Variants in KCNH1 observed in about 807,000 individuals in gnomAD.
KCNH1 encodes the protein voltage-gated delayed rectifier potassium channel KCNH1.
A neutral mutation model predicts 69.2 loss-of-function variants in KCNH1; 27 were observed. That is an observed-to-expected ratio of 0.39 (90% CI 0.29 to 0.54). KCNH1 has a LOEUF of 0.54. Among genes scored for constraint, KCNH1 ranks in the 20% least tolerant of loss-of-function variants. The pLI is 0.68. For missense variants in KCNH1, 798 were observed against 1,261.6 expected, an observed-to-expected ratio of 0.63 and a Z score of 5.57; for synonymous variants, 456 against 487.7, an observed-to-expected ratio of 0.93 and a Z score of 0.86.
chr1:210,747,695 A>G (rs1308820130), intron 10 of KCNH1, among the ~76,000 whole-genome samples: 2 of 150,596 alleles, frequency 1.3e-5, no homozygotes, highest in Non-Finnish European at 3.0e-5. Context: ...CCTTTTTCTT[A>G]AAGTAGGCAT....
intron 7 of KCNH1, among the ~76,000 whole-genome samples, chr1:210,808,363 G>A (rs1684630642): frequency 6.6e-6 from 1 of 152,120 alleles, no homozygotes; most frequent in Non-Finnish European, 1.5e-5. Context: ...CAGGCAGCAG[G>A]TCAGACATCA....
intron 5 of KCNH1, among the ~76,000 whole-genome samples, chr1:211,019,743 T>A (rs1689554412): frequency 6.6e-6 from 1 of 152,192 alleles, no homozygotes; most frequent in Non-Finnish European, 1.5e-5. Flanking sequence ...CAGGATAGAC[T>A]ATATGTGAGA....
chr1:211,032,944 CA>C (rs1298104212), intron 5 of KCNH1, among the ~76,000 whole-genome samples: 10 of 152,190 alleles, frequency 6.6e-5, no homozygotes, highest in African/African-American at 2.4e-4. Flanking sequence ...TTCTGCACAG[CA>C]AAAGAAACTA....
At position 210,718,557 on chromosome 1, in the gene KCNH1, A is replaced by T. The variant is rs1333597925; in HGVS notation, c.2113-34419T>A. The stretch of plus-strand genomic sequence containing the variant: ...ATATATACATATATGTATATATATA[A>T]AATATATACATATATTTATATATAT... On this transcript the variant is annotated intron_variant, in intron 10 of 10. Transcript: ENST00000271751. 6.5e-5 allele frequency among the ~76,000 whole-genome samples: 7 copies of T among 108,434 alleles called. 1 individual carries two copies. The highest frequency in any genetic ancestry group is 2.7e-4 in the African/African-American group (7 of 26,082). The allele number at this position is 108,434 out of a possible 152,430, so 71.1% of individuals were successfully genotyped here. A position where few individuals can be genotyped will look rare whatever the true frequency, so the allele number is the denominator to read the frequency against.
intron 7 of KCNH1, among the ~76,000 whole-genome samples, chr1:210,900,801 TA>T (rs1231160507): frequency 6.6e-6 from 1 of 152,168 alleles, no homozygotes; most frequent in Non-Finnish European, 1.5e-5. Context: ...CTTTTTTCTT[TA>T]AATCCAGATA....
chr1:210,819,445 G>A (rs1265225430), intron 7 of KCNH1, among the ~76,000 whole-genome samples: 1 of 152,112 alleles, frequency 6.6e-6, no homozygotes, highest in East Asian at 1.9e-4. Flanking sequence ...CCTTCACATG[G>A]ACTCTGAACA....
intron 7 of KCNH1, among the ~76,000 whole-genome samples, chr1:210,857,314 C>G (rs903202820): frequency 6.6e-6 from 1 of 152,208 alleles, no homozygotes; most frequent in Non-Finnish European, 1.5e-5. Flanking sequence ...TGAGGCCTTA[C>G]AGGCACTTTA....
At chr1:210,996,018 C>T (rs564131997) in intron 6 of KCNH1, among the ~76,000 whole-genome samples, 5 of 152,140 alleles carry the variant, frequency 3.3e-5, no homozygotes, top group South Asian at 2.1e-4. Context: ...CCAAGATGGC[C>T]GAATAGGAAC....
chr1:210,930,428 G>A (rs1303107175), intron 6 of KCNH1, among the ~76,000 whole-genome samples: 1 of 152,042 alleles, frequency 6.6e-6, no homozygotes, highest in Non-Finnish European at 1.5e-5. Context: ...AAAAAATAAA[G>A]TGGGGAAAAG....
At chr1:210,785,853 A>AT (rs754179780) in intron 9 of KCNH1, among the ~76,000 whole-genome samples, 1 of 152,062 alleles carries the variant, frequency 6.6e-6, no homozygotes, top group Non-Finnish European at 1.5e-5. Flanking sequence ...CTGCCATAAG[A>AT]TTTATGGAGC....
chr1:211,070,424 A>ACACACACACAC (rs1232138926), intron 5 of KCNH1, among the ~76,000 whole-genome samples: 229 of 110,074 alleles, frequency 2.1e-3, no homozygotes, highest in Admixed American at 4.1e-3. Context: ...CCTTTAAAAA[A>ACACACACACAC]AAAAAAACAC....
chr1:210,693,906 C>T (rs1681580418), intron 10 of KCNH1, among the ~76,000 whole-genome samples: 2 of 152,264 alleles, frequency 1.3e-5, no homozygotes, highest in Middle Eastern at 6.8e-3. Flanking sequence ...ATCCTAGGAA[C>T]CAGATGGAAG....
At chr1:210,980,636 A>G (rs961012610) in intron 6 of KCNH1, among the ~76,000 whole-genome samples, 2 of 152,224 alleles carry the variant, frequency 1.3e-5, no homozygotes, top group African/African-American at 2.4e-5. Context: ...ACTGCATTAT[A>G]TGATCCAAGG....
At chr1:210,811,510 C>G (rs1684702351) in intron 7 of KCNH1, among the ~76,000 whole-genome samples, 2 of 152,156 alleles carry the variant, frequency 1.3e-5, no homozygotes, top group Non-Finnish European at 2.9e-5. Flanking sequence ...ACTGTTATCT[C>G]TCCTCTCATT....
At chr1:210,800,571 A>G (rs913141111) in intron 8 of KCNH1, among the ~76,000 whole-genome samples, 5 of 152,128 alleles carry the variant, frequency 3.3e-5, no homozygotes, top group Non-Finnish European at 7.4e-5. Context: ...GAGAGGAGAA[A>G]TTGCAGACTG....
intron 10 of KCNH1, among the ~76,000 whole-genome samples, chr1:210,703,963 A>G (rs1391693159): frequency 6.6e-6 from 1 of 152,216 alleles, no homozygotes; most frequent in Non-Finnish European, 1.5e-5. Context: ...GATAAAGTGC[A>G]GCGTGCACCC....
chr1:210,945,294 C>T (rs891495911), intron 6 of KCNH1, among the ~76,000 whole-genome samples: 8 of 152,204 alleles, frequency 5.3e-5, no homozygotes, highest in Non-Finnish European at 1.0e-4. Flanking sequence ...CTAACTCTTA[C>T]ACAATGTATA....
At chr1:210,742,241 AC>A (rs1203455093) in intron 10 of KCNH1, among the ~76,000 whole-genome samples, 5 of 152,330 alleles carry the variant, frequency 3.3e-5, no homozygotes, top group Admixed American at 2.6e-4. Flanking sequence ...AACAAATCTC[AC>A]TTTATTTCTG....
At chr1:210,955,944 A>G (rs1688166479) in intron 6 of KCNH1, among the ~76,000 whole-genome samples, 1 of 152,108 alleles carries the variant, frequency 6.6e-6, no homozygotes, top group African/African-American at 2.4e-5. Flanking sequence ...ACTATGTTGA[A>G]TAGGAGTGGT....
Sources: allele counts gnomAD v4.1 joint callset (sites outside exome capture counted in the v4.1 genomes callset), GRCh38; gene constraint gnomAD v4.1.1; transcripts MANE v1.5; gene names NCBI Gene and HGNC (gene_info 2026-07-23, HGNC 2026-07-21).